NPAS3: variants seen among roughly 807,000 people sequenced by gnomAD.
The protein encoded by NPAS3 is neuronal PAS domain-containing protein 3.
A neutral mutation model predicts 73.1 loss-of-function variants in NPAS3; 14 were observed. The observed-to-expected ratio is 0.19, with a 90% CI of 0.13 to 0.30. The LOEUF (loss-of-function observed/expected upper bound fraction) is 0.30. Among genes scored for constraint, NPAS3 ranks in the 10% least tolerant of loss-of-function variants. The pLI is 1.00. For synonymous variants in NPAS3, 620 were observed against 541.5 expected, an observed-to-expected ratio of 1.14 and a Z score of -2.01; for missense variants, 1,096 against 1,250.0, an observed-to-expected ratio of 0.88 and a Z score of 1.86.
intron 2 of NPAS3, among the ~76,000 whole-genome samples, chr14:33,162,672 CA>C (rs72478064): frequency 8.1e-5 from 12 of 147,372 alleles, no homozygotes; most frequent in Admixed American, 1.4e-4. Context: ...TAAAAACAAG[CA>C]AAAAAAAAAG....
chr14:33,029,263 G>A lies in NPAS3; in HGVS notation c.51-26642G>A, dbSNP rs181918088. Reference sequence around the variant, plus strand: ...CTCTATGCAGTGGGGAGCATTGACAGTTTAAGTGGGGAAGAGGATAGAGTC... The same window carrying A: ...CTCTATGCAGTGGGGAGCATTGACAATTTAAGTGGGGAAGAGGATAGAGTC... On this transcript the variant is annotated intron_variant, in intron 1 of 11. Transcript: ENST00000356141. Among the ~76,000 whole-genome samples, 3 of 152,276 alleles carry A rather than the reference G, an allele frequency of 2.0e-5. No individual in the cohort carries two copies. In the East Asian group the frequency reaches 5.8e-4, roughly 29 times the overall value.
At chr14:33,658,805 C>G (rs899988718) in intron 5 of NPAS3, among the ~76,000 whole-genome samples, 1 of 152,156 alleles carries the variant, frequency 6.6e-6, no homozygotes, top group Non-Finnish European at 1.5e-5. Context: ...TCATCCCCCA[C>G]TAATAGTGTA....
chr14:32,934,869 C>T (rs2035646678), upstream of NPAS3: 2 of 655,746 alleles, frequency 3.0e-6, no homozygotes, highest in Non-Finnish European at 3.8e-6. This position sits in a 1 kb window ranked among gnomAD's most constrained non-coding sequence, Gnocchi z 4.1. Flanking sequence ...TTCCGGATTT[C>T]AGCGTGCAGG....
chr14:33,702,559 C>A (rs2060550531), intron 6 of NPAS3, among the ~76,000 whole-genome samples: 1 of 152,158 alleles, frequency 6.6e-6, no homozygotes, highest in Non-Finnish European at 1.5e-5. Flanking sequence ...AATCCAGAGA[C>A]CTGTTTCATG....
intron 1 of NPAS3, among the ~76,000 whole-genome samples, chr14:33,017,255 A>G (rs1368536866): frequency 6.6e-6 from 1 of 152,212 alleles, no homozygotes; most frequent in Non-Finnish European, 1.5e-5. Context: ...GGATGAATTG[A>G]CAGCTCTTGA....
intron 5 of NPAS3, among the ~76,000 whole-genome samples, chr14:33,588,213 G>T (rs1344366571): frequency 6.6e-6 from 1 of 152,154 alleles, no homozygotes; most frequent in African/African-American, 2.4e-5. Context: ...GGTTCCTATG[G>T]CTCTAAAATG....
At chr14:33,639,857 C>T (rs2058626813) in intron 5 of NPAS3, among the ~76,000 whole-genome samples, 1 of 152,148 alleles carries the variant, frequency 6.6e-6, no homozygotes. Context: ...AACTGAGGCA[C>T]AAGTCCTTCC....
chr14:33,006,583 A>G (rs190921036), intron 1 of NPAS3, among the ~76,000 whole-genome samples: 1 of 152,302 alleles, frequency 6.6e-6, no homozygotes, highest in Admixed American at 6.5e-5. Context: ...AAAAGTTTAG[A>G]AAGTCTGCCA....
chr14:33,797,660 T>C, intron 11 of NPAS3, 79 bp downstream of exon 11: 1 of 1,444,788 alleles, frequency 6.9e-7, no homozygotes, highest in Non-Finnish European at 9.5e-7. Flanking sequence ...CAGAGGGCCA[T>C]CATCAGAGGC....
chr14:33,727,143 G>A (rs548145109), intron 6 of NPAS3, among the ~76,000 whole-genome samples: 1 of 152,174 alleles, frequency 6.6e-6, no homozygotes, highest in South Asian at 2.1e-4. Context: ...ATGGAGATTT[G>A]GCCAGAATGT....
chr14:32,999,155 T>C (rs2038701763), intron 1 of NPAS3, among the ~76,000 whole-genome samples: 1 of 152,226 alleles, frequency 6.6e-6, no homozygotes, highest in Non-Finnish European at 1.5e-5. Context: ...TCAGTTGAAC[T>C]TCTTTTCTAT....
intron 1 of NPAS3, among the ~76,000 whole-genome samples, chr14:32,949,097 C>T (rs897256566): frequency 2.0e-5 from 3 of 152,048 alleles, no homozygotes; most frequent in African/African-American, 7.2e-5. Flanking sequence ...TCTAGAATGG[C>T]TTTCTGTATT....
intron 3 of NPAS3, among the ~76,000 whole-genome samples, chr14:33,277,311 G>T (rs908984527): frequency 6.6e-6 from 1 of 152,100 alleles, no homozygotes; most frequent in Non-Finnish European, 1.5e-5. Context: ...CTCTGGCACT[G>T]ATTAACTGGC....
chr14:33,291,530 A>C (rs545945790), intron 3 of NPAS3, among the ~76,000 whole-genome samples: 9 of 152,356 alleles, frequency 5.9e-5, no homozygotes, highest in African/African-American at 2.2e-4. Flanking sequence ...GGATGAAAGA[A>C]ATGAATTTGT....
Position 32,946,352 on chromosome 14 carries a change from A to G in NPAS3, c.50+6986A>G, listed in dbSNP as rs866846438. ...CCCCCCAACACACACACACGCGCACACACACACACACACACACACACACAC... is the reference window on the plus strand; with the variant it reads ...CCCCCCAACACACACACACGCGCACGCACACACACACACACACACACACAC... On this transcript the variant is annotated intron_variant, in intron 1 of 11. Transcript: ENST00000356141. Among the ~76,000 whole-genome samples, 202 of 139,144 alleles carry G rather than the reference A, an allele frequency of 1.5e-3. 3 individuals are homozygous for G. Among genetic ancestry groups the G allele is most frequent in the South Asian group, 6.1e-3 (28 of 4,576 alleles). The allele number at this position is 139,144 out of a possible 152,430, so 91.3% of individuals were successfully genotyped here.
intron 3 of NPAS3, among the ~76,000 whole-genome samples, chr14:33,299,740 T>C (rs1047410639): frequency 2.0e-5 from 3 of 152,094 alleles, no homozygotes; most frequent in African/African-American, 7.2e-5. Context: ...AATGATAAAA[T>C]ATATAGAATT....
At chr14:33,783,720 G>C (rs189310633) in intron 9 of NPAS3, among the ~76,000 whole-genome samples, 3 of 152,018 alleles carry the variant, frequency 2.0e-5, no homozygotes, top group Non-Finnish European at 4.4e-5. Context: ...TCCCTGCTGC[G>C]CTTACTACAC....
In NPAS3 at chr14:33,589,102, T is replaced by G. The variant is rs1020955665; in HGVS notation, c.558+28892T>G. Among the ~76,000 whole-genome samples the G allele has an allele frequency of 4.6e-5, 7 of 152,330 alleles. No homozygotes were observed. The East Asian group carries it at 1.4e-3, about 29-fold the overall frequency. Reference sequence around the variant, plus strand: ...TCCTCATCCCCCAAAAATTGTGTACTTAAAAGCACATATATTGAAATATCT... The same window carrying G: ...TCCTCATCCCCCAAAAATTGTGTACGTAAAAGCACATATATTGAAATATCT... On this transcript the variant is annotated intron_variant, in intron 5 of 11. Transcript: ENST00000356141.
intron 4 of NPAS3, among the ~76,000 whole-genome samples, chr14:33,405,971 A>AT (rs1188863295): frequency 2.6e-5 from 4 of 151,878 alleles, no homozygotes; most frequent in South Asian, 2.1e-4. Context: ...AAGCGGTTAA[A>AT]TTTTTTTTTA....
Sources: allele counts gnomAD v4.1 joint callset (sites outside exome capture counted in the v4.1 genomes callset), GRCh38; gene constraint gnomAD v4.1.1; non-coding constraint Gnocchi (gnomAD v3.1); transcripts MANE v1.5; gene names NCBI Gene and HGNC (gene_info 2026-07-23, HGNC 2026-07-21).